The following MAP1S variants were observed in gnomAD, a reference collection of about 807,000 sequenced individuals.
The protein encoded by MAP1S is microtubule associated protein 1S.
Under a neutral mutation model 60.9 loss-of-function variants are expected in MAP1S, and 27 were observed. The ratio of observed to expected loss-of-function variants is 0.44; its 90% CI spans 0.33 to 0.61. The LOEUF is 0.61. MAP1S is among the 20% of genes least tolerant of loss of function. MAP1S has a pLI of 0.03. For synonymous variants in MAP1S, 826 were observed against 694.2 expected, an observed-to-expected ratio of 1.19 and a Z score of -2.98; for missense variants, 1,608 against 1,486.6, an observed-to-expected ratio of 1.08 and a Z score of -1.34.
chr19:17,726,476 G>C lies in MAP1S; in HGVS notation c.1092G>C (p.Gln364His), dbSNP rs1251499462. 6.5e-7 allele frequency: 1 copy of C among 1,549,384 alleles called. No homozygotes were observed. Among genetic ancestry groups the C allele is most frequent in the Non-Finnish European group, 8.7e-7 (1 of 1,152,646 alleles). The part of the protein sequence containing the change: ...EAELALSLLA[Q>H]LGITPLPLSR... ...AGCTGGCGCTGAGCCTCCTGGCGCA[G>C]CTGGGCATCACGCCTCTGCCACTCA... The change falls in exon 5 of 7, where the codon CAG becomes CAC. Residue 364 changes from glutamine to histidine, a missense_variant. By Grantham distance (24) the Gln-to-His change is conservative. Transcript: ENST00000324096.
chr19:17,720,180 T>G (rs1186480708), intron 1 of MAP1S: 4 of 1,343,458 alleles, frequency 3.0e-6, no homozygotes, highest in Non-Finnish European at 3.8e-6. Context: ...CCTGCCAGGT[T>G]CACCTGCAGC....
chr19:17,719,532 C>A lies in MAP1S; in HGVS notation c.30C>A (p.Ala10=). ...CGGCGGTGGCTGGATCTGGGGCTGC[C>A]GCGGCTCCGAGCTCACTGCTCCTCG... MAAVAGSGA[A]AAPSSLLLVV... is the part of the protein sequence containing the mutation. The change falls in exon 1 of 7, where the codon GCC becomes GCA. Residue 10 remains alanine (A), a synonymous_variant. Coordinates refer to ENST00000324096, the MANE Select transcript of MAP1S (RefSeq NM_018174.6). 8.0e-7 allele frequency: 1 copy of A among 1,246,038 alleles called. No homozygotes were observed. The allele number at this position is 1,246,038 out of a possible 1,614,324, so 77.2% of individuals were successfully genotyped here.
rs781397925 is a variant in MAP1S at position 17,734,435 on chromosome 19, C to T, written c.*7C>T. 5.6e-6 allele frequency: 9 copies of T among 1,601,246 alleles called. No individual in the cohort carries two copies. The highest frequency in any genetic ancestry group is 3.3e-5 in the South Asian group (3 of 90,476). ...CTGCAAGGTGGAGTTCTAGCCCCAT[C>T]GCCGACACGCCCCCCACTCAGCCCA... On this transcript the variant is annotated 3_prime_UTR_variant, in exon 7 of 7. Transcript: ENST00000324096.
In MAP1S at chr19:17,734,261, C is replaced by G. The variant is rs1007090224; in HGVS notation, c.3025-12C>G. ...GGTCCACTCTCCCCACACACCCCCC[C>G]TCCACCTGCAGGTGACCCTGATCCC... On this transcript the variant is annotated splice_polypyrimidine_tract_variant and intron_variant, in intron 6 of 6. Transcript: ENST00000324096. 3.7e-6 allele frequency: 6 copies of G among 1,607,654 alleles called. No homozygotes were observed. Among genetic ancestry groups the G allele is most frequent in the African/African-American group, 1.3e-5 (1 of 74,802 alleles).
At position 17,727,493 on chromosome 19, in the gene MAP1S, G is replaced by A; in HGVS notation, c.2109G>A (p.Glu703=). ...ACGAGTCCCTGTCGGTGTCCTTTGAGCAGGTGCTGCCGCCATCCGCCCCCA... is the reference window on the plus strand; with the variant it reads ...ACGAGTCCCTGTCGGTGTCCTTTGAACAGGTGCTGCCGCCATCCGCCCCCA... ...EVDESLSVSF[E]QVLPPSAPTS... Residue 703 remains glutamate (E), a synonymous_variant, in exon 5 of 7, where the codon GAG becomes GAA. Transcript: ENST00000324096. This position sits in a 1 kb window ranked among gnomAD's most constrained non-coding sequence, Gnocchi z 4.1. 3 of 1,610,974 alleles carry A rather than the reference G, an allele frequency of 1.9e-6. No homozygotes were observed. Among genetic ancestry groups the A allele is most frequent in the Non-Finnish European group, 2.5e-6 (3 of 1,179,238 alleles).
rs2080425158 is a variant in MAP1S at position 17,726,541 on chromosome 19, A to C, written c.1157A>C (p.Glu386Ala). 4 of 1,572,728 alleles carry C rather than the reference A, an allele frequency of 2.5e-6. No homozygotes were observed. Among genetic ancestry groups the C allele is most frequent in the Non-Finnish European group, 3.4e-6 (4 of 1,163,952 alleles). Reference sequence around the variant, plus strand: ...CCAGCCAAACCCACCGTGCTCTTCGAGAAGATGGGCGTGGGCCGGCTGGAC... The same window carrying C: ...CCAGCCAAACCCACCGTGCTCTTCGCGAAGATGGGCGTGGGCCGGCTGGAC... ...PVPAKPTVLF[E>A]KMGVGRLDMY... is the part of the protein sequence containing the mutation. The change falls in exon 5 of 7, where the codon GAG (glutamate) becomes GCG (alanine). Residue 386 changes from glutamate (E) to alanine (A), a missense_variant. Coordinates refer to ENST00000324096, the MANE Select transcript of MAP1S (RefSeq NM_018174.6).
intron 6 of MAP1S, 51 bp from the exon 7 acceptor site, chr19:17,734,222 C>G (rs767067635): frequency 6.0e-6 from 9 of 1,495,214 alleles, no homozygotes; most frequent in African/African-American, 1.4e-5. Context: ...GCAGGGGGCA[C>G]CCCCCTCACT....
intron 1 of MAP1S, 155 bp from the exon 2 acceptor site, chr19:17,720,781 C>T (rs1262365707): frequency 1.5e-6 from 1 of 689,076 alleles, no homozygotes; most frequent in Non-Finnish European, 2.6e-6. Context: ...TCAGCTGCAG[C>T]GAGACCTGAA....
chr19:17,722,151 G>A (rs1474387642), intron 2 of MAP1S, among the ~76,000 whole-genome samples: 2 of 152,144 alleles, frequency 1.3e-5, no homozygotes, highest in Non-Finnish European at 2.9e-5. Flanking sequence ...ATATCCCTGT[G>A]TGGCAAAAAG....
In MAP1S at chr19:17,726,155, C is replaced by G. The variant is rs373138984; in HGVS notation, c.771C>G (p.Ala257=). The change falls in exon 5 of 7, where the codon GCC becomes GCG. Residue 257 remains alanine, a synonymous_variant. Coordinates refer to ENST00000324096, the MANE Select transcript of MAP1S (RefSeq NM_018174.6). ...PGGLGDAAFF[A]VNGFTVLVNG... Reference sequence around the variant, plus strand: ...GCCTCGGGGATGCCGCCTTCTTCGCCGTCAATGGCTTCACTGTGCTGGTCA... The same window carrying G: ...GCCTCGGGGATGCCGCCTTCTTCGCGGTCAATGGCTTCACTGTGCTGGTCA... The G allele has an allele frequency of 1.2e-6, 2 of 1,613,676 alleles. No individual in the cohort carries two copies. Among genetic ancestry groups the G allele is most frequent in the Non-Finnish European group, 1.7e-6 (2 of 1,179,900 alleles).
At chr19:17,733,523 G>A in intron 6 of MAP1S, 95 bp downstream of exon 6, 1 of 1,035,776 alleles carries the variant, frequency 9.7e-7, no homozygotes, top group Non-Finnish European at 1.4e-6. Context: ...TGTTCCCCAG[G>A]CCACACGGGA....
chr19:17,727,568 C>G lies in MAP1S; in HGVS notation c.2184C>G (p.Arg728=). ...SLPLRGPRAR[R]SASPHDVDLC... is the part of the protein sequence containing the mutation. ...CGCTGCGTGGCCCCCGGGCGCGGCG[C>G]TCGGCTTCCCCACACGATGTGGACC... The change falls in exon 5 of 7, where the codon CGC becomes CGG. Residue 728 remains arginine, a synonymous_variant. Coordinates refer to ENST00000324096, the MANE Select transcript of MAP1S (RefSeq NM_018174.6). The surrounding 1 kb of genome is among the most constrained non-coding windows in gnomAD (Gnocchi z 4.1). 1.2e-6 allele frequency: 2 copies of G among 1,607,320 alleles called. No individual in the cohort carries two copies. The highest frequency in any genetic ancestry group is 1.7e-6 in the Non-Finnish European group (2 of 1,179,446).
Position 17,726,392 on chromosome 19 carries a change from C to T in MAP1S, c.1008C>T (p.Val336=), listed in dbSNP as rs1238619484. The change falls in exon 5 of 7, where the codon GTC becomes GTT. Residue 336 remains valine, a synonymous_variant. Coordinates refer to ENST00000324096, the MANE Select transcript of MAP1S (RefSeq NM_018174.6). ...GGCTCATCTCCCCCAACCTGGGGGT[C>T]GTGTTCTTCAACGCCTGCGAGGCCG... ...LRRLISPNLG[V]VFFNACEAAS... 2.5e-6 allele frequency: 4 copies of T among 1,591,018 alleles called. No homozygotes were observed. The highest frequency in any genetic ancestry group is 3.4e-6 in the Non-Finnish European group (4 of 1,175,728).
In MAP1S at chr19:17,726,182, C is replaced by T; in HGVS notation, c.798C>T (p.Asn266=). ...TCAATGGCTTCACTGTGCTGGTCAACGGTGGCTCAAACCCCAAGTCCAGTT... is the reference window on the plus strand; with the variant it reads ...TCAATGGCTTCACTGTGCTGGTCAATGGTGGCTCAAACCCCAAGTCCAGTT... ...FAVNGFTVLV[N]GGSNPKSSFW... Residue 266 remains asparagine, a synonymous_variant, in exon 5 of 7, where the codon AAC becomes AAT. Transcript: ENST00000324096. The T allele has an allele frequency of 6.2e-7, 1 of 1,612,654 alleles. No homozygotes were observed. Among genetic ancestry groups the T allele is most frequent in the African/African-American group, 1.3e-5 (1 of 75,042 alleles).
Position 17,719,528 on chromosome 19 carries a change from C to T in MAP1S, c.26C>T (p.Ala9Val), listed in dbSNP as rs990442206. The T allele has an allele frequency of 4.0e-6, 5 of 1,245,910 alleles. No individual in the cohort carries two copies. Among genetic ancestry groups the T allele is most frequent in the Non-Finnish European group, 4.0e-6 (4 of 987,698 alleles). The allele number at this position is 1,245,910 out of a possible 1,614,324, so 77.2% of individuals were successfully genotyped here. ...ATGGCGGCGGTGGCTGGATCTGGGG[C>T]TGCCGCGGCTCCGAGCTCACTGCTC... MAAVAGSG[A>V]AAAPSSLLLV... The change falls in exon 1 of 7, where the codon GCT (alanine) becomes GTT (valine). Residue 9 changes from alanine to valine, a missense_variant. Coordinates refer to ENST00000324096, the MANE Select transcript of MAP1S (RefSeq NM_018174.6).
rs558887651 is a variant in MAP1S, at chr19:17,727,545, C to T, written c.2161C>T (p.Leu721=). The T allele has an allele frequency of 9.9e-6, 16 of 1,609,120 alleles. No homozygotes were observed. In the South Asian group the frequency reaches 1.4e-4, roughly 14 times the overall value. The change falls in exon 5 of 7, where the codon CTG becomes TTG. Residue 721 remains leucine (L), a synonymous_variant. Transcript: ENST00000324096. The surrounding 1 kb of genome is among the most constrained non-coding windows in gnomAD (Gnocchi z 4.1). ...CAGTGAGGCTGGGCTGAGCCTCCCGCTGCGTGGCCCCCGGGCGCGGCGCTC... is the reference window on the plus strand; with the variant it reads ...CAGTGAGGCTGGGCTGAGCCTCCCGTTGCGTGGCCCCCGGGCGCGGCGCTC... ...PTSEAGLSLP[L]RGPRARRSAS... is the part of the protein sequence containing the mutation.
rs2080400678 is a variant in MAP1S, at chr19:17,724,598, T to C, written c.303+390T>C. The stretch of plus-strand genomic sequence containing the variant: ...CCATCTGTACTCTACCAATTATACA[T>C]CCGGAAGATGAACCAGACAGAGCCC... On this transcript the variant is annotated intron_variant, in intron 3 of 6. Transcript: ENST00000324096. Among the ~76,000 whole-genome samples, 3 of 152,240 alleles carry C rather than the reference T, an allele frequency of 2.0e-5. No individual in the cohort carries two copies. In the South Asian group the frequency reaches 6.2e-4, roughly 32 times the overall value.
chr19:17,727,428 C>T lies in MAP1S; in HGVS notation c.2044C>T (p.Leu682=), dbSNP rs1470547283. Residue 682 remains leucine (L), a synonymous_variant, in exon 5 of 7, where the codon CTA becomes TTA. Coordinates refer to ENST00000324096, the MANE Select transcript of MAP1S (RefSeq NM_018174.6). The surrounding 1 kb of genome is among the most constrained non-coding windows in gnomAD (Gnocchi z 4.1). ...CACACCCACGGTGACCACGCCCTCACTACCCGCAGAGGTGGGCTCCCCGCA... is the reference window on the plus strand; with the variant it reads ...CACACCCACGGTGACCACGCCCTCATTACCCGCAGAGGTGGGCTCCCCGCA... ...VTTPTVTTPS[L]PAEVGSPHST... is the part of the protein sequence containing the mutation. 2 of 1,601,658 alleles carry T rather than the reference C, an allele frequency of 1.2e-6. No individual in the cohort carries two copies. Among genetic ancestry groups the T allele is most frequent in the Admixed American group, 1.7e-5 (1 of 58,416 alleles).
intron 1 of MAP1S, 197 bp downstream of exon 1, chr19:17,719,817 C>T (rs1212431999): frequency 6.0e-6 from 1 of 167,752 alleles, no homozygotes; most frequent in African/African-American, 2.4e-5. Flanking sequence ...CCGTGGGTGC[C>T]CGCGGAGAAA....
Sources: gnomAD v4.1 joint callset for allele counts (sites outside exome capture counted in the v4.1 genomes callset) on GRCh38, gnomAD v4.1.1 for gene constraint, Gnocchi (gnomAD v3.1) non-coding constraint, MANE v1.5 for transcripts, NCBI Gene and HGNC (gene_info 2026-07-23, HGNC 2026-07-21) for gene names.